Variants in ZNF140 observed in about 807,000 individuals in gnomAD.
ZNF140 encodes the protein zinc finger protein 140.
ZNF140 carries 13 observed loss-of-function variants against 12.9 expected under a neutral mutation model. The ratio of observed to expected loss-of-function variants is 1.01; its 90% confidence interval spans 0.66 to 1.60. The LOEUF is 1.60. Among genes scored for constraint, ZNF140 ranks in the 40% most tolerant of loss-of-function variants. The pLI is 0.00. For synonymous variants in ZNF140, 214 were observed against 186.7 expected, an observed-to-expected ratio of 1.15 and a Z score of -1.19; for missense variants, 531 against 548.8, an observed-to-expected ratio of 0.97 and a Z score of 0.32.
intron 4 of ZNF140, among the ~76,000 whole-genome samples, chr12:133,095,748 T>C (rs369254905): frequency 0.028 from 4,094 of 147,500 alleles, 30 homozygotes; most frequent in Non-Finnish European, 0.041. Context: ...AAAGAATCTA[T>C]GTCATAATTA....
chr12:133,086,059 GT>G, intron 4 of ZNF140, among the ~76,000 whole-genome samples: 1 of 152,230 alleles, frequency 6.6e-6, no homozygotes, highest in South Asian at 2.1e-4. Flanking sequence ...TGCTCTAATA[GT>G]TTTTTTCATT....
At chr12:133,093,303 A>G (rs1408860216) in intron 4 of ZNF140, 1 of 616,556 alleles carries the variant, frequency 1.6e-6, no homozygotes, top group Non-Finnish European at 2.9e-6. Context: ...CAGTAAGTAT[A>G]GTTAGTTGTA....
At chr12:133,101,738 T>C (rs1311147614) in intron 4 of ZNF140, among the ~76,000 whole-genome samples, 1 of 152,198 alleles carries the variant, frequency 6.6e-6, no homozygotes, top group Non-Finnish European at 1.5e-5. Context: ...CCACTGCACC[T>C]GGCCCATTAC....
In ZNF140 at chr12:133,106,088, A is replaced by G. The variant is rs757293179; in HGVS notation, c.811A>G (p.Lys271Glu). The G allele has an allele frequency of 1.2e-6, 2 of 1,614,044 alleles. No homozygotes were observed. The highest frequency in any genetic ancestry group is 1.7e-6 in the Non-Finnish European group (2 of 1,180,026). ...TRHQRIHIGK[K>E]QYICRKCGKA... Reference sequence around the variant, plus strand: ...ACATCAAAGAATTCACATAGGAAAGAAACAATATATATGTAGGAAATGTGG... The same window carrying G: ...ACATCAAAGAATTCACATAGGAAAGGAACAATATATATGTAGGAAATGTGG... Residue 271 changes from lysine to glutamate, a missense_variant, in exon 5 of 5, where the codon AAA becomes GAA. Physicochemically the swap from Lys to Glu is moderately conservative, Grantham distance 56 (BLOSUM62 1). Coordinates refer to ENST00000355557, the MANE Select transcript of ZNF140 (RefSeq NM_003440.4).
intron 4 of ZNF140, among the ~76,000 whole-genome samples, chr12:133,084,604 G>C (rs1428179145): frequency 6.6e-6 from 1 of 152,240 alleles, no homozygotes; most frequent in Non-Finnish European, 1.5e-5. Context: ...AAAAGGGTCA[G>C]TTTTGGAGAA....
chr12:133,098,526 C>T (rs1317461982), intron 4 of ZNF140, among the ~76,000 whole-genome samples: 1 of 152,170 alleles, frequency 6.6e-6, no homozygotes, highest in East Asian at 1.9e-4. Flanking sequence ...AGGCATGAGC[C>T]ACTATGCCCA....
chr12:133,096,274 C>T (rs1463363391), intron 4 of ZNF140, among the ~76,000 whole-genome samples: 2 of 152,050 alleles, frequency 1.3e-5, no homozygotes, highest in African/African-American at 4.8e-5. Flanking sequence ...TCCTGCACAG[C>T]CCTAGATCCC....
rs1199730950 is a variant in ZNF140, at chr12:133,107,218, C to T, written c.*567C>T. On this transcript the variant is annotated 3_prime_UTR_variant, in exon 5 of 5. Coordinates refer to ENST00000355557, the MANE Select transcript of ZNF140 (RefSeq NM_003440.4). Reference sequence around the variant, plus strand: ...AACTGTATAAATGAATGTAGAGTGACTTTCTGCAATATTTCAAACCTATAT... The same window carrying T: ...AACTGTATAAATGAATGTAGAGTGATTTTCTGCAATATTTCAAACCTATAT... 1 of 152,216 alleles carries T rather than the reference C, an allele frequency of 6.6e-6. No individual in the cohort carries two copies. Among genetic ancestry groups the T allele is most frequent in the Non-Finnish European group, 1.5e-5 (1 of 68,066 alleles). The allele number at this position is 152,216 out of a possible 1,614,324, so 9.4% of individuals were successfully genotyped here.
intron 4 of ZNF140, chr12:133,101,026 T>G: frequency 2.2e-6 from 1 of 452,812 alleles, no homozygotes; most frequent in Non-Finnish European, 4.4e-6. Flanking sequence ...AGAGGACTAC[T>G]GTAATTCCCA....
rs1222359620 is a variant in ZNF140, at chr12:133,081,346, T to C, written c.9+17T>C. The C allele has an allele frequency of 1.1e-5, 5 of 470,666 alleles. No individual in the cohort carries two copies. Among genetic ancestry groups the C allele is most frequent in the Non-Finnish European group, 1.8e-5 (5 of 283,862 alleles). 29.2% of individuals were successfully genotyped at this position (470,666 alleles called of 1,614,324 possible). Reference sequence around the variant, plus strand: ...ATGTCTCAGGTAAGCTAATGATTGATAAATATATATATATATATATATATA... The same window carrying C: ...ATGTCTCAGGTAAGCTAATGATTGACAAATATATATATATATATATATATA... On this transcript the variant is annotated intron_variant, in intron 2 of 4. Transcript: ENST00000355557.
At chr12:133,099,920 TGTG>T (rs1955273971) in intron 4 of ZNF140, among the ~76,000 whole-genome samples, 1 of 151,780 alleles carries the variant, frequency 6.6e-6, no homozygotes, top group Non-Finnish European at 1.5e-5. Flanking sequence ...GCTACAGAAT[TGTG>T]GGCTTGAGAG....
In ZNF140 at chr12:133,081,521, G is replaced by T. The variant is rs914299139; in HGVS notation, c.9+192G>T. 4.6e-4 allele frequency: 210 copies of T among 457,650 alleles called. 2 individuals are homozygous for T. Among genetic ancestry groups the T allele is most frequent in the African/African-American group, 4.0e-3 (201 of 50,072 alleles). The allele number at this position is 457,650 out of a possible 1,614,324, so 28.3% of individuals were successfully genotyped here. A position where few individuals can be genotyped will look rare whatever the true frequency, so the allele number is the denominator to read the frequency against. Reference sequence around the variant, plus strand: ...CCGCTTTTCTTTGTGAAGTGCAGCCGTGTTTTTCAGGACTTGGGACGTGGC... The same window carrying T: ...CCGCTTTTCTTTGTGAAGTGCAGCCTTGTTTTTCAGGACTTGGGACGTGGC... On this transcript the variant is annotated intron_variant, in intron 2 of 4. Coordinates refer to ENST00000355557, the MANE Select transcript of ZNF140 (RefSeq NM_003440.4).
chr12:133,092,203 T>C lies in ZNF140; in HGVS notation c.232+8642T>C, dbSNP rs80256324. On this transcript the variant is annotated intron_variant, in intron 4 of 4. Coordinates refer to ENST00000355557, the MANE Select transcript of ZNF140 (RefSeq NM_003440.4). ...TCACTGCAATCAAAGTAAAAATGAATCTTTTAGATTTAGTTAGAACTCCTT... is the reference window on the plus strand; with the variant it reads ...TCACTGCAATCAAAGTAAAAATGAACCTTTTAGATTTAGTTAGAACTCCTT... Among the ~76,000 whole-genome samples the C allele has an allele frequency of 7.9e-5, 12 of 151,248 alleles. 1 individual carries two copies. In the East Asian group the frequency reaches 2.1e-3, roughly 27 times the overall value.
In ZNF140 at chr12:133,106,197, G is replaced by T; in HGVS notation, c.920G>T (p.Gly307Val). The change falls in exon 5 of 5, where the codon GGG (glycine) becomes GTG (valine). Residue 307 changes from glycine to valine, a missense_variant. By Grantham distance (109) the Gly-to-Val change is moderately radical. Transcript: ENST00000355557. ...AAACCTTATGAATGCATTGAATGTGGGAAGGCATTTCGCCGTTTCTCACAC... is the reference window on the plus strand; with the variant it reads ...AAACCTTATGAATGCATTGAATGTGTGAAGGCATTTCGCCGTTTCTCACAC... ...GEKPYECIEC[G>V]KAFRRFSHLT... 6.2e-7 allele frequency: 1 copy of T among 1,613,988 alleles called. No individual in the cohort carries two copies. Among genetic ancestry groups the T allele is most frequent in the Non-Finnish European group, 8.5e-7 (1 of 1,179,994 alleles).
Position 133,106,124 on chromosome 12 carries a change from AG to A in ZNF140, c.848del (p.Ser283ThrfsTer208). ...ATGTAGGAAATGTGGTAAAGCATTT[AG>A]CAGTGGCTCAGAACTCATTCGCCAC... Reference protein sequence around the residue: ...YICRKCGKAFSSGSELIRHQI... With the variant: ...YICRKCGKAFXSGSELIRHQI... On this transcript the variant is annotated frameshift_variant, in exon 5 of 5. Coordinates refer to ENST00000355557, the MANE Select transcript of ZNF140 (RefSeq NM_003440.4). LOFTEE classifies it low-confidence loss of function (END_TRUNC). 2 of 1,614,202 alleles carry A rather than the reference AG, an allele frequency of 1.2e-6. No individual in the cohort carries two copies. The highest frequency in any genetic ancestry group is 1.7e-6 in the Non-Finnish European group (2 of 1,180,028).
intron 4 of ZNF140, chr12:133,084,249 T>C (rs2137485435): frequency 2.6e-6 from 1 of 378,444 alleles, no homozygotes. Flanking sequence ...AAAAAAAAAA[T>C]TAAAAGTACA....
intron 4 of ZNF140, among the ~76,000 whole-genome samples, chr12:133,091,029 G>T (rs1030895309): frequency 6.7e-6 from 1 of 148,368 alleles, no homozygotes; most frequent in Non-Finnish European, 1.5e-5. Context: ...GTTCCCAGGG[G>T]CAGACAGGAG....
chr12:133,103,953 T>C (rs2137580426), intron 4 of ZNF140, among the ~76,000 whole-genome samples: 1 of 152,336 alleles, frequency 6.6e-6, no homozygotes, highest in South Asian at 2.1e-4. Context: ...CCTCCCCATC[T>C]TGATCTTTCA....
intron 4 of ZNF140, among the ~76,000 whole-genome samples, chr12:133,087,791 A>T (rs997890959): frequency 1.3e-5 from 2 of 152,152 alleles, no homozygotes; most frequent in Admixed American, 1.3e-4. Context: ...GCTTCTCTAT[A>T]GGAATGCTAG....
Sources: gnomAD v4.1 joint callset for allele counts (sites outside exome capture counted in the v4.1 genomes callset) on GRCh38, gnomAD v4.1.1 for gene constraint, MANE v1.5 for transcripts, NCBI Gene and HGNC (gene_info 2026-07-23, HGNC 2026-07-21) for gene names.